The following SGMS1 variants were observed in gnomAD, a reference collection of about 807,000 sequenced individuals.
SGMS1 encodes the protein phosphatidylcholine:ceramide cholinephosphotransferase 1.
Under a neutral mutation model 46.2 loss-of-function variants are expected in SGMS1, and 13 were observed. That is an observed-to-expected ratio of 0.28 (90% CI 0.18 to 0.45). The LOEUF is 0.45. SGMS1 is among the 20% of genes least tolerant of loss of function. The pLI is 1.00. For missense variants in SGMS1, 324 were observed against 519.9 expected, an observed-to-expected ratio of 0.62 and a Z score of 3.66; for synonymous variants, 203 against 187.8, an observed-to-expected ratio of 1.08 and a Z score of -0.66.
At chr10:50,416,661 T>C (rs1007100710) in intron 6 of SGMS1, among the ~76,000 whole-genome samples, 1 of 152,136 alleles carries the variant, frequency 6.6e-6, no homozygotes, top group Non-Finnish European at 1.5e-5. Flanking sequence ...CACTGTTACC[T>C]TTTACACAGA....
chr10:50,519,143 C>G (rs1050471845), intron 3 of SGMS1, among the ~76,000 whole-genome samples: 2 of 152,048 alleles, frequency 1.3e-5, no homozygotes, highest in Admixed American at 6.5e-5. Flanking sequence ...TCTGTTCAAG[C>G]TTAAAATTAA....
chr10:50,538,457 CAAAA>C (rs61633959), intron 2 of SGMS1, among the ~76,000 whole-genome samples: 7 of 85,662 alleles, frequency 8.2e-5, no homozygotes, highest in Admixed American at 1.3e-4. Flanking sequence ...GACTCCATCT[CAAAA>C]AAAAAAAAAA....
chr10:50,585,051 C>A (rs1325785555), intron 2 of SGMS1, among the ~76,000 whole-genome samples: 9 of 152,150 alleles, frequency 5.9e-5, no homozygotes, highest in Non-Finnish European at 4.4e-5. Flanking sequence ...ATGTTAAAAA[C>A]AAGTTTCAAA....
intron 6 of SGMS1, among the ~76,000 whole-genome samples, chr10:50,382,044 G>A (rs1020411017): frequency 3.3e-5 from 5 of 152,138 alleles, no homozygotes; most frequent in African/African-American, 9.7e-5. Context: ...TGAGACTATT[G>A]AGGTTGAAAC....
chr10:50,575,126 T>C (rs971315014), intron 2 of SGMS1, among the ~76,000 whole-genome samples: 1 of 151,728 alleles, frequency 6.6e-6, no homozygotes, highest in African/African-American at 2.4e-5. Context: ...CGGGGGTGGA[T>C]ATGGGCAGCT....
At chr10:50,485,788 T>C (rs545957309) in intron 3 of SGMS1, among the ~76,000 whole-genome samples, 32 of 152,184 alleles carry the variant, frequency 2.1e-4, no homozygotes, top group African/African-American at 7.5e-4. Context: ...TAGTCCCAAC[T>C]ACTTGGTAGG....
intron 1 of SGMS1, among the ~76,000 whole-genome samples, chr10:50,617,220 C>T (rs190023694): frequency 6.6e-6 from 1 of 152,206 alleles, no homozygotes; most frequent in Non-Finnish European, 1.5e-5. Context: ...GAATTATACA[C>T]TTAAAATGGT....
intron 2 of SGMS1, among the ~76,000 whole-genome samples, chr10:50,561,335 G>A (rs1486039982): frequency 5.3e-5 from 8 of 152,146 alleles, no homozygotes. Flanking sequence ...GGAAACTGAG[G>A]CACTGAGTAA....
chr10:50,335,575 T>C (rs761247345), intron 7 of SGMS1: 2 of 152,240 alleles, frequency 1.3e-5, no homozygotes, highest in Non-Finnish European at 2.9e-5. Context: ...AGACTGAGTA[T>C]AACCACATGC....
chr10:50,551,828 G>T (rs968688666), intron 2 of SGMS1, among the ~76,000 whole-genome samples: 1 of 151,812 alleles, frequency 6.6e-6, no homozygotes, highest in Non-Finnish European at 1.5e-5. Flanking sequence ...TGTATTCTCC[G>T]ATCCATCCTC....
At chr10:50,576,076 G>A (rs1219933927) in intron 2 of SGMS1, among the ~76,000 whole-genome samples, 1 of 151,890 alleles carries the variant, frequency 6.6e-6, no homozygotes, top group African/African-American at 2.4e-5. Flanking sequence ...GGAACCTACA[G>A]ACACTTTCCC....
intron 3 of SGMS1, among the ~76,000 whole-genome samples, chr10:50,480,787 C>T (rs888311618): frequency 1.3e-5 from 2 of 152,166 alleles, no homozygotes; most frequent in African/African-American, 4.8e-5. Flanking sequence ...GCGGGGGCAG[C>T]CACCATCACT....
At chr10:50,499,347 G>A (rs1319257286) in intron 3 of SGMS1, among the ~76,000 whole-genome samples, 2 of 152,142 alleles carry the variant, frequency 1.3e-5, no homozygotes, top group African/African-American at 2.4e-5. Context: ...AAAGCACTTA[G>A]CATGCTCTCT....
chr10:50,527,657 G>A (rs1837916015), intron 2 of SGMS1, among the ~76,000 whole-genome samples: 1 of 152,102 alleles, frequency 6.6e-6, no homozygotes, highest in Admixed American at 6.5e-5. Flanking sequence ...TGGCGTTTGT[G>A]GGTTACTTGT....
intron 6 of SGMS1, among the ~76,000 whole-genome samples, chr10:50,375,738 C>A (rs943922523): frequency 2.6e-5 from 4 of 152,066 alleles, no homozygotes; most frequent in African/African-American, 7.2e-5. Context: ...CACTAGTGTG[C>A]CCAGATTAAA....
intron 3 of SGMS1, among the ~76,000 whole-genome samples, chr10:50,480,704 C>T (rs1837468740): frequency 6.6e-6 from 1 of 152,184 alleles, no homozygotes; most frequent in Admixed American, 6.5e-5. Flanking sequence ...TGCAGACTTT[C>T]AGTGGCCTCT....
intron 6 of SGMS1, among the ~76,000 whole-genome samples, chr10:50,411,087 T>G (rs762174993): frequency 6.6e-6 from 1 of 152,178 alleles, no homozygotes; most frequent in African/African-American, 2.4e-5. Context: ...AGGGCCCTCA[T>G]GTATGGCATA....
At chr10:50,624,641 C>G (rs1310193143), upstream of SGMS1, 2 of 985,342 alleles carry the variant, frequency 2.0e-6, no homozygotes, top group Non-Finnish European at 2.4e-6. Flanking sequence ...GGCGAAAACC[C>G]GGAGAGCGGC....
intron 3 of SGMS1, among the ~76,000 whole-genome samples, chr10:50,512,869 T>C (rs1006876099): frequency 2.0e-5 from 3 of 152,078 alleles, no homozygotes; most frequent in Admixed American, 6.5e-5. Flanking sequence ...GTACCCGGGG[T>C]AACACATGGA....
Sources: gnomAD v4.1 joint callset for allele counts (sites outside exome capture counted in the v4.1 genomes callset) on GRCh38, gnomAD v4.1.1 for gene constraint, MANE v1.5 for transcripts, NCBI Gene and HGNC (gene_info 2026-07-23, HGNC 2026-07-21) for gene names.